The following POTEJ variants were observed in gnomAD, a reference collection of about 807,000 sequenced individuals.
The protein encoded by POTEJ is POTE ankyrin domain family member J.
A neutral mutation model predicts 69.0 loss-of-function variants in POTEJ; 11 were observed. The observed-to-expected ratio is 0.16, with a 90% CI of 0.10 to 0.26. The LOEUF is 0.26. Ranked by LOEUF, POTEJ falls within the 10% of genes least tolerant of loss-of-function variation. The pLI is 1.00. For missense variants in POTEJ, 327 were observed against 1,045.5 expected, an observed-to-expected ratio of 0.31 and a Z score of 9.48; for synonymous variants, 117 against 381.1, an observed-to-expected ratio of 0.31 and a Z score of 8.07.
chr2:130,625,350 A>G (rs539724753), intron 6 of POTEJ, among the ~76,000 whole-genome samples: 1 of 152,102 alleles, frequency 6.6e-6, no homozygotes. Flanking sequence ...TATAGACCAC[A>G]AACAATTAAA....
At chr2:130,625,393 A>T (rs1685669157) in intron 6 of POTEJ, among the ~76,000 whole-genome samples, 2 of 151,876 alleles carry the variant, frequency 1.3e-5, no homozygotes, top group African/African-American at 4.8e-5. Flanking sequence ...TATCATTGTC[A>T]TTTTCATTAT....
chr2:130,642,162 A>AT (rs2105244058), intron 10 of POTEJ, among the ~76,000 whole-genome samples: 1 of 147,482 alleles, frequency 6.8e-6, no homozygotes, highest in African/African-American at 2.5e-5. Flanking sequence ...GCCAATCAGA[A>AT]TTTTTTAGCA....
At chr2:130,621,272 GT>G (rs554205083) in intron 4 of POTEJ, among the ~76,000 whole-genome samples, 193 bp from the exon 5 acceptor site, 6 of 151,878 alleles carry the variant, frequency 4.0e-5, no homozygotes, top group African/African-American at 9.7e-5. Flanking sequence ...AGATAAGAGG[GT>G]TTTTTTTGGT....
intron 9 of POTEJ, among the ~76,000 whole-genome samples, chr2:130,634,909 C>T (rs1160923871): frequency 1.3e-5 from 2 of 152,226 alleles, no homozygotes; most frequent in African/African-American, 4.8e-5. Context: ...TCAAGATTAT[C>T]ACAATTTTTT....
intron 10 of POTEJ, among the ~76,000 whole-genome samples, chr2:130,639,245 C>T (rs868298612): frequency 0.016 from 2,386 of 145,124 alleles, no homozygotes; most frequent in African/African-American, 0.065. Context: ...TTGTGGAGCC[C>T]TGCTCTGGGA....
chr2:130,640,805 AG>A, intron 10 of POTEJ, among the ~76,000 whole-genome samples: 1 of 152,206 alleles, frequency 6.6e-6, no homozygotes. Flanking sequence ...GAGGCTGAGG[AG>A]GGGGATTGGG....
chr2:130,629,207 T>C (rs1196746883), intron 6 of POTEJ, among the ~76,000 whole-genome samples: 1 of 145,818 alleles, frequency 6.9e-6, no homozygotes, highest in East Asian at 1.9e-4. Context: ...GAGGATTTCA[T>C]TTAGGTTCGC....
chr2:130,655,374 A>C (rs1686948186), intron 14 of POTEJ, among the ~76,000 whole-genome samples: 1 of 152,202 alleles, frequency 6.6e-6, no homozygotes, highest in Admixed American at 6.5e-5. Flanking sequence ...AGTTTTTTAA[A>C]AAATGTTAAT....
chr2:130,651,754 T>C (rs1686812696), intron 13 of POTEJ, among the ~76,000 whole-genome samples: 1 of 143,542 alleles, frequency 7.0e-6, no homozygotes, highest in East Asian at 1.9e-4. Context: ...TTCACTTTTT[T>C]CTCTGTACAA....
chr2:130,632,057 G>A (rs1474937230), intron 8 of POTEJ, among the ~76,000 whole-genome samples: 3 of 145,614 alleles, frequency 2.1e-5, no homozygotes, highest in African/African-American at 8.1e-5. Context: ...AAGCCGCACA[G>A]TGTGTCATCC....
chr2:130,648,781 G>GT (rs761289482), intron 13 of POTEJ, among the ~76,000 whole-genome samples: 1,652 of 81,938 alleles, frequency 0.02, 255 homozygotes, highest in Non-Finnish European at 0.026. Flanking sequence ...CTTTCTCATA[G>GT]TTTTTTTTTT....
intron 13 of POTEJ, among the ~76,000 whole-genome samples, chr2:130,649,794 GCAC>G (rs960837254): frequency 1.7e-4 from 24 of 145,288 alleles, no homozygotes; most frequent in Non-Finnish European, 2.7e-4. Flanking sequence ...AAGACTCCAG[GCAC>G]ACCTCTGCAC....
chr2:130,655,377 A>G (rs1430982426), intron 14 of POTEJ, among the ~76,000 whole-genome samples: 1 of 152,214 alleles, frequency 6.6e-6, no homozygotes, highest in South Asian at 2.1e-4. Flanking sequence ...TTTTTAAAAA[A>G]TGTTAATAGA....
chr2:130,656,273 T>A (rs1686982927), intron 14 of POTEJ, among the ~76,000 whole-genome samples: 1 of 145,934 alleles, frequency 6.9e-6, no homozygotes, highest in Admixed American at 6.7e-5. Flanking sequence ...CTCTAGTGAT[T>A]TATTTTTCAT....
intron 1 of POTEJ, among the ~76,000 whole-genome samples, chr2:130,612,762 C>CAAA (rs1320771385): frequency 3.4e-4 from 19 of 55,114 alleles, no homozygotes; most frequent in South Asian, 6.0e-4. Context: ...GATTCCGTCT[C>CAAA]AAAAAAAAAA....
chr2:130,634,012 A>T (rs1477738755), intron 9 of POTEJ, among the ~76,000 whole-genome samples: 1 of 151,028 alleles, frequency 6.6e-6, no homozygotes, highest in African/African-American at 2.4e-5. Context: ...TCTGAGCTCT[A>T]GTGATCCTCC....
intron 9 of POTEJ, among the ~76,000 whole-genome samples, chr2:130,637,017 T>C (rs1482515241): frequency 6.9e-6 from 1 of 145,524 alleles, no homozygotes; most frequent in East Asian, 2.0e-4. Context: ...AGGCGGAGCT[T>C]GCAGTGAGCC....
Position 130,656,671 on chromosome 2 carries a change from G to C in POTEJ, c.1911G>C (p.Lys637Asn). ...TMKHQSQLRK[K>N]KYLEDIESVK... ...AACATCAGAGCCAGCTAAGAAAAAAGAAATATTTGGAGGATATTGAAAGTG... is the reference window on the plus strand; with the variant it reads ...AACATCAGAGCCAGCTAAGAAAAAACAAATATTTGGAGGATATTGAAAGTG... The change falls in exon 15 of 15, where the codon AAG becomes AAC. Residue 637 changes from lysine to asparagine, a missense_variant. Lys to Asn is a moderately conservative substitution (Grantham distance 94). Coordinates refer to ENST00000409602, the MANE Select transcript of POTEJ (RefSeq NM_001277083.2). 6.2e-7 allele frequency: 1 copy of C among 1,610,102 alleles called. No individual in the cohort carries two copies. The highest frequency in any genetic ancestry group is 8.5e-7 in the Non-Finnish European group (1 of 1,179,802).
chr2:130,654,753 G>A (rs1210444625), intron 13 of POTEJ, among the ~76,000 whole-genome samples, 168 bp from the exon 14 acceptor site: 1 of 144,098 alleles, frequency 6.9e-6, no homozygotes, highest in African/African-American at 2.8e-5. Context: ...AGTCCCTGGT[G>A]CCAGCATGGT....
Sources: allele counts gnomAD v4.1 joint callset (sites outside exome capture counted in the v4.1 genomes callset), GRCh38; gene constraint gnomAD v4.1.1; transcripts MANE v1.5; gene names NCBI Gene and HGNC (gene_info 2026-07-23, HGNC 2026-07-21).